Variants in NTRK2 observed in about 807,000 individuals in gnomAD.
The protein encoded by NTRK2 is BDNF/NT-3 growth factors receptor.
Under a neutral mutation model 94.5 loss-of-function variants are expected in NTRK2, and 13 were observed. The observed-to-expected ratio is 0.14, with a 90% CI of 0.09 to 0.22. The LOEUF is 0.22. Among genes scored for constraint, NTRK2 ranks in the 10% least tolerant of loss-of-function variants. NTRK2 has a pLI of 1.00. For missense variants in NTRK2, 639 were observed against 1,071.2 expected (o/e 0.60, Z 5.63); for synonymous variants, 372 against 407.4 (o/e 0.91, Z 1.05).
Position 84,710,803 on chromosome 9 carries a change from T to C in NTRK2, c.583+12T>C. 6.2e-7 allele frequency: 1 copy of C among 1,613,886 alleles called. No homozygotes were observed. On this transcript the variant is annotated intron_variant, in intron 6 of 18. Coordinates refer to ENST00000277120, the MANE Select transcript of NTRK2 (RefSeq NM_006180.6). ...GATACCCAATTGTGGTAATTTATTT[T>C]TAAATCAATGTGTTCTAGTTGCTAT...
At position 84,955,292 on chromosome 9, in the gene NTRK2, C is replaced by A. The variant is rs766885554; in HGVS notation, c.1947C>A (p.Gly649=). The change falls in exon 17 of 19, where the codon GGC becomes GGA. Residue 649 remains glycine (G), a synonymous_variant. Transcript: ENST00000277120. The stretch of plus-strand genomic sequence containing the variant: ...CCATGTCCTTCCCCAGGGCACACGG[C>A]CCTGATGCCGTGCTGATGGCTGAGG... ...GDLNKFLRAH[G]PDAVLMAEGN... 3.1e-6 allele frequency: 5 copies of A among 1,601,686 alleles called. No individual in the cohort carries two copies. In the African/African-American group the frequency reaches 6.7e-5, roughly 21 times the overall value.
rs79505349 is a variant in NTRK2 at position 84,801,512 on chromosome 9, G to A, written c.1396+49427G>A. Among the ~76,000 whole-genome samples, 997 of 152,272 alleles carry A rather than the reference G, an allele frequency of 6.5e-3. 39 individuals carry two copies. The East Asian group carries it at 0.092, about 14-fold the overall frequency. ...AAGTGGTTCGGTATTCTCCTGTGAC[G>A]CTGAGCAGGGGCAGCAAGCCACATC... On this transcript the variant is annotated intron_variant, in intron 12 of 18. Coordinates refer to ENST00000277120, the MANE Select transcript of NTRK2 (RefSeq NM_006180.6).
At chr9:84,971,314 C>T (rs572196945) in intron 17 of NTRK2, among the ~76,000 whole-genome samples, 11 of 152,288 alleles carry the variant, frequency 7.2e-5, no homozygotes, top group African/African-American at 2.6e-4. Flanking sequence ...AATGATCCCC[C>T]TAGAGAGCCA....
chr9:85,012,504 A>G (rs1199513161), intron 17 of NTRK2, among the ~76,000 whole-genome samples: 1 of 152,146 alleles, frequency 6.6e-6, no homozygotes, highest in East Asian at 1.9e-4. Flanking sequence ...TTTTTAAAAT[A>G]TCATGTAAAA....
chr9:84,960,512 G>A (rs1588052810), intron 17 of NTRK2, among the ~76,000 whole-genome samples: 1 of 152,138 alleles, frequency 6.6e-6, no homozygotes, highest in African/African-American at 2.4e-5. Context: ...TGAATATTTT[G>A]AGATAGGTAG....
rs559831871 is a variant in NTRK2 at position 85,011,265 on chromosome 9, G to A, written c.2173-8941G>A. Among the ~76,000 whole-genome samples, 5 of 152,158 alleles carry A rather than the reference G, an allele frequency of 3.3e-5. No homozygotes were observed. The East Asian group carries it at 9.7e-4, about 29-fold the overall frequency. On this transcript the variant is annotated intron_variant, in intron 17 of 18. Coordinates refer to ENST00000277120, the MANE Select transcript of NTRK2 (RefSeq NM_006180.6). ...AGATCTGATAAAGGGCCACAGATTT[G>A]GATTCTGGACCAGAATTGCCCACCT...
rs781137734 is a variant in NTRK2 at position 84,707,855 on chromosome 9, G to A, written c.371G>A (p.Arg124Gln). The A allele has an allele frequency of 2.0e-5, 32 of 1,612,048 alleles. 1 individual carries two copies. Among genetic ancestry groups the A allele is most frequent in the South Asian group, 2.0e-4 (18 of 90,862 alleles). Residue 124 changes from arginine to glutamine, a missense_variant, in exon 5 of 19, where the codon CGA (arginine) becomes CAA (glutamine). Around this residue, in one of 5 missense-constraint regions of NTRK2, gnomAD observed 206 missense variants for 251.5 expected, o/e 0.82. Transcript: ENST00000277120. ...TTGATTCCTTTCAGCAATTTTACCC[G>A]AAACAAACTGACGAGTTTGTCTAGG... ...NSNLQHINFT[R>Q]NKLTSLSRKH...
At chr9:84,921,814 T>G (rs1287903785) in intron 14 of NTRK2, among the ~76,000 whole-genome samples, 1 of 152,192 alleles carries the variant, frequency 6.6e-6, no homozygotes. Flanking sequence ...GCAGAAGTTA[T>G]AAGCATATTC....
At chr9:84,963,923 C>A (rs144471226) in intron 17 of NTRK2, among the ~76,000 whole-genome samples, 1 of 152,272 alleles carries the variant, frequency 6.6e-6, no homozygotes, top group African/African-American at 2.4e-5. Flanking sequence ...TTGCAGTTTT[C>A]ATTTCTGGAA....
At chr9:84,911,998 T>A (rs1029810391) in intron 14 of NTRK2, among the ~76,000 whole-genome samples, 12 of 152,200 alleles carry the variant, frequency 7.9e-5, no homozygotes, top group African/African-American at 2.9e-4. Flanking sequence ...TGAGATTTCC[T>A]ATTTGACCCA....
At chr9:84,998,368 C>G (rs1310291925) in intron 17 of NTRK2, among the ~76,000 whole-genome samples, 1 of 152,176 alleles carries the variant, frequency 6.6e-6, no homozygotes, top group Non-Finnish European at 1.5e-5. Flanking sequence ...CTGGGCCAGT[C>G]CCCTACCACT....
At chr9:84,879,430 A>G (rs1472474608) in intron 14 of NTRK2, among the ~76,000 whole-genome samples, 1 of 152,216 alleles carries the variant, frequency 6.6e-6, no homozygotes, top group African/African-American at 2.4e-5. Flanking sequence ...TCACTCAGCC[A>G]GTTTCTTAAT....
chr9:84,948,661 C>T, intron 16 of NTRK2, 27 bp downstream of exon 16: 2 of 1,610,036 alleles, frequency 1.2e-6, no homozygotes, highest in South Asian at 1.1e-5. Context: ...AGGTGGGCTC[C>T]AGGAGGGAGC....
chr9:84,899,873 T>C (rs2076875120), intron 14 of NTRK2, among the ~76,000 whole-genome samples: 1 of 152,304 alleles, frequency 6.6e-6, no homozygotes, highest in East Asian at 1.9e-4. Flanking sequence ...TAGTTCCCTA[T>C]GGGGTGGACA....
intron 12 of NTRK2, among the ~76,000 whole-genome samples, chr9:84,794,552 A>G (rs927482400): frequency 6.6e-6 from 1 of 152,236 alleles, no homozygotes; most frequent in Admixed American, 6.5e-5. Context: ...CTCATCTCCA[A>G]TATGGAAATA....
intron 12 of NTRK2, among the ~76,000 whole-genome samples, chr9:84,859,492 G>A (rs1446241309): frequency 6.6e-6 from 1 of 152,104 alleles, no homozygotes; most frequent in Non-Finnish European, 1.5e-5. Context: ...ACAAGAGAAG[G>A]GGAGCACTTA....
At chr9:84,904,716 T>G (rs940099089) in intron 14 of NTRK2, among the ~76,000 whole-genome samples, 3 of 152,234 alleles carry the variant, frequency 2.0e-5, no homozygotes, top group Non-Finnish European at 4.4e-5. Context: ...ACATTACCCC[T>G]ATAGTAACAA....
chr9:84,702,262 C>T, intron 3 of NTRK2, 29 bp downstream of exon 3: 1 of 1,612,706 alleles, frequency 6.2e-7, no homozygotes, highest in Non-Finnish European at 8.5e-7. Context: ...GGCACATTAT[C>T]TCAGAGAATT....
intron 13 of NTRK2, among the ~76,000 whole-genome samples, chr9:84,862,726 A>G (rs1017575224): frequency 1.3e-5 from 2 of 152,200 alleles, no homozygotes; most frequent in African/African-American, 4.8e-5. Flanking sequence ...CACGTGGGGA[A>G]GTGCTGGGAT....
Sources: allele counts gnomAD v4.1 joint callset (sites outside exome capture counted in the v4.1 genomes callset), GRCh38; gene constraint gnomAD v4.1.1; regional missense constraint gnomAD v4.1.1; transcripts MANE v1.5; gene names NCBI Gene and HGNC (gene_info 2026-07-23, HGNC 2026-07-21).